The following MID1 variants were observed in gnomAD, a reference collection of about 807,000 sequenced individuals.
MID1 encodes midline 1.
A neutral mutation model predicts 40.4 loss-of-function variants in MID1; 7 were observed. That is an observed-to-expected ratio of 0.17 (90% confidence interval 0.10 to 0.33). MID1 has a LOEUF of 0.33. Among genes scored for constraint, MID1 ranks in the 10% least tolerant of loss-of-function variants. MID1 has a pLI of 1.00. For synonymous variants in MID1, 229 were observed against 221.2 expected (o/e 1.04, Z -0.31); for missense variants, 367 against 558.5 (o/e 0.66, Z 3.46).
intron 1 of MID1, among the ~76,000 whole-genome samples, chrX:10,828,818 C>T (rs2044232880): frequency 8.9e-6 from 1 of 112,671 alleles, no homozygotes; most frequent in Admixed American, 9.4e-5. Context: ...CTTATCCCCA[C>T]CCATTTCAGA....
intron 1 of MID1, among the ~76,000 whole-genome samples, chrX:10,645,042 G>A (rs999106449): frequency 4.5e-5 from 5 of 111,593 alleles, no homozygotes; most frequent in African/African-American, 1.6e-4. Flanking sequence ...CTACCATAGT[G>A]GTAAGTACAG....
rs768557661 is a variant in MID1 at position 10,560,772 on chromosome X, T to C, written c.660+6116A>G. Among the ~76,000 whole-genome samples the C allele has an allele frequency of 2.7e-5, 3 of 111,362 alleles. No homozygotes were observed. In the South Asian group the frequency reaches 1.1e-3, roughly 42 times the overall value. Reference sequence around the variant, plus strand: ...CCATGCTCATGGATAGAAGAATCAGTATCGTGAAAATGGCCATACTGCCCA... The same window carrying C: ...CCATGCTCATGGATAGAAGAATCAGCATCGTGAAAATGGCCATACTGCCCA... On this transcript the variant is annotated intron_variant, in intron 2 of 9. Transcript: ENST00000317552.
intron 1 of MID1, among the ~76,000 whole-genome samples, chrX:10,754,848 T>G (rs1333427627): frequency 1.8e-5 from 2 of 112,277 alleles, no homozygotes; most frequent in Non-Finnish European, 3.8e-5. Flanking sequence ...TAAACATAAT[T>G]CTTATTTTTA....
intron 1 of MID1, among the ~76,000 whole-genome samples, chrX:10,783,589 A>G (rs777762899): frequency 8.9e-6 from 1 of 112,175 alleles, no homozygotes; most frequent in Non-Finnish European, 1.9e-5. Flanking sequence ...ATTGAATTAA[A>G]TGTACAGGAA....
intron 1 of MID1, among the ~76,000 whole-genome samples, chrX:10,720,153 C>T (rs1172005642): frequency 8.9e-6 from 1 of 111,845 alleles, no homozygotes; most frequent in Non-Finnish European, 1.9e-5. Flanking sequence ...GACTTCATGT[C>T]TACAACACCA....
In MID1 at chrX:10,606,183, T is replaced by C. The variant is rs73632646; in HGVS notation, c.-57+14107A>G. 6.1e-3 allele frequency among the ~76,000 whole-genome samples: 679 copies of C among 111,388 alleles called. 3 individuals carry two copies. The highest frequency in any genetic ancestry group is 0.021 in the African/African-American group (649 of 30,767). On this transcript the variant is annotated intron_variant, in intron 1 of 9. Coordinates refer to ENST00000317552, the MANE Select transcript of MID1 (RefSeq NM_000381.4). ...TTTTTCAGGTAATTTGTAATTTATA[T>C]ATAAATATAAGATACATATTTTAAT...
intron 3 of MID1, among the ~76,000 whole-genome samples, chrX:10,515,379 C>T (rs1284133901): frequency 3.6e-5 from 4 of 111,991 alleles, no homozygotes; most frequent in Non-Finnish European, 7.5e-5. Context: ...TTACAAAACT[C>T]ATCATCTGAG....
chrX:10,745,208 G>A (rs2043549958), intron 1 of MID1, among the ~76,000 whole-genome samples: 1 of 112,813 alleles, frequency 8.9e-6, no homozygotes, highest in African/African-American at 3.2e-5. Context: ...GCATGTAAAT[G>A]CAGTACAGTG....
chrX:10,555,684 A>C (rs1934092108), intron 2 of MID1, among the ~76,000 whole-genome samples: 2 of 111,243 alleles, frequency 1.8e-5, no homozygotes, highest in African/African-American at 6.5e-5. Flanking sequence ...GAATATTTAT[A>C]AAGGCACAAA....
chrX:10,454,471 A>G (rs113559984), intron 9 of MID1, among the ~76,000 whole-genome samples: 1,359 of 111,139 alleles, frequency 0.012, 9 homozygotes, highest in Non-Finnish European at 0.02. Context: ...AAAGGCAGCC[A>G]TGGACTATAT....
chrX:10,666,509 C>A (rs2042952492), intron 1 of MID1, among the ~76,000 whole-genome samples: 1 of 110,777 alleles, frequency 9.0e-6, no homozygotes, highest in Non-Finnish European at 1.9e-5. Context: ...GTGAAACTAG[C>A]CAGCTAACTA....
intron 3 of MID1, among the ~76,000 whole-genome samples, chrX:10,509,829 G>C (rs1464548045): frequency 8.9e-6 from 1 of 112,153 alleles, no homozygotes; most frequent in Non-Finnish European, 1.9e-5. Context: ...TTGGCCTCTA[G>C]AGGTGTTCCA....
intron 3 of MID1, among the ~76,000 whole-genome samples, chrX:10,517,749 G>A (rs1932521184): frequency 9.0e-6 from 1 of 111,064 alleles, no homozygotes; most frequent in East Asian, 2.8e-4. Flanking sequence ...TGCCTGGCAA[G>A]CAGTGCTGCT....
At chrX:10,730,998 A>C (rs961148556) in intron 1 of MID1, among the ~76,000 whole-genome samples, 2 of 112,249 alleles carry the variant, frequency 1.8e-5, no homozygotes, top group African/African-American at 6.5e-5. Flanking sequence ...TGTTATCTAT[A>C]TATGATTAAA....
intron 6 of MID1, among the ~76,000 whole-genome samples, chrX:10,470,357 G>A (rs1273018932): frequency 1.8e-5 from 2 of 111,850 alleles, no homozygotes; most frequent in Non-Finnish European, 3.8e-5. Context: ...AATATAGGTA[G>A]AGGGTCAGAT....
At chrX:10,783,888 T>TA (rs1196603138) in intron 1 of MID1, among the ~76,000 whole-genome samples, 1,101 of 103,383 alleles carry the variant, frequency 0.011, 17 homozygotes, top group African/African-American at 0.037. Flanking sequence ...CTCTTTTTTT[T>TA]AAAAAAAAAA....
In MID1 at chrX:10,528,629, G is replaced by A. The variant is rs760914171; in HGVS notation, c.661-5442C>T. Among the ~76,000 whole-genome samples the A allele has an allele frequency of 2.7e-5, 3 of 111,957 alleles. No homozygotes were observed. In the South Asian group the frequency reaches 1.1e-3, roughly 42 times the overall value. On this transcript the variant is annotated intron_variant, in intron 2 of 9. Transcript: ENST00000317552. ...TTATTTACCAAAACAAGTGGTGAGT[G>A]AGATTTGACCCACAACTGTTGTTTG...
chrX:10,720,235 A>C (rs1446283188), intron 1 of MID1, among the ~76,000 whole-genome samples: 1 of 112,036 alleles, frequency 8.9e-6, no homozygotes, highest in Non-Finnish European at 1.9e-5. Flanking sequence ...GCACAGCAAA[A>C]GAAATTACCA....
chrX:10,526,719 A>G (rs1932841002), intron 2 of MID1, among the ~76,000 whole-genome samples: 1 of 112,067 alleles, frequency 8.9e-6, no homozygotes, highest in African/African-American at 3.2e-5. Context: ...CAACTAATAC[A>G]TAGACTAAAG....
Sources: gnomAD v4.1 joint callset for allele counts (sites outside exome capture counted in the v4.1 genomes callset) on GRCh38, gnomAD v4.1.1 for gene constraint, MANE v1.5 for transcripts, NCBI Gene and HGNC (gene_info 2026-07-23, HGNC 2026-07-21) for gene names.